ZFHX3: variants seen among roughly 807,000 people sequenced by gnomAD.
The protein encoded by ZFHX3 is zinc finger homeobox protein 3.
ZFHX3 carries 42 observed loss-of-function variants against 279.1 expected under a neutral mutation model. That is an observed-to-expected ratio of 0.15 (90% confidence interval 0.12 to 0.19). ZFHX3 has a LOEUF of 0.19. Among genes scored for constraint, ZFHX3 ranks in the 10% least tolerant of loss-of-function variants. The probability of loss-of-function intolerance (pLI) is 1.00; values close to 1 mark genes in which losing one functional copy is unlikely to be tolerated. For synonymous variants in ZFHX3, 2,293 were observed against 1,957.8 expected (o/e 1.17, Z -4.52); for missense variants, 4,981 against 4,754.0 (o/e 1.05, Z -1.40).
At chr16:73,529,070 G>A (rs2019746280) in intron 2 of ZFHX3, among the ~76,000 whole-genome samples, 1 of 152,140 alleles carries the variant, frequency 6.6e-6, no homozygotes, top group African/African-American at 2.4e-5. Context: ...ATACATTCTA[G>A]GAAAACAATA....
intron 4 of ZFHX3, among the ~76,000 whole-genome samples, chr16:73,301,877 G>A (rs970146944): frequency 1.3e-5 from 2 of 150,950 alleles, no homozygotes; most frequent in South Asian, 2.1e-4. Flanking sequence ...GCATCCTCAA[G>A]CCCCTACCTC....
rs549833722 is a variant in ZFHX3 at position 73,474,911 on chromosome 16, T to C, written c.-1546-18653A>G. Among the ~76,000 whole-genome samples the C allele has an allele frequency of 3.9e-5, 6 of 152,320 alleles. No homozygotes were observed. The East Asian group carries it at 7.7e-4, about 20-fold the overall frequency. On this transcript the variant is annotated intron_variant, in intron 2 of 17. Transcript: ENST00000641206. ...ACCATTGACAGTACTGTCTCTCTAGTTGATACATTATTTCTTTCCAAATGG... is the reference window on the plus strand; with the variant it reads ...ACCATTGACAGTACTGTCTCTCTAGCTGATACATTATTTCTTTCCAAATGG...
At chr16:73,655,422 C>G (rs1253313952) in intron 2 of ZFHX3, among the ~76,000 whole-genome samples, 1 of 152,088 alleles carries the variant, frequency 6.6e-6, no homozygotes, top group Non-Finnish European at 1.5e-5. Flanking sequence ...ATAGGAGACT[C>G]TACCAAGTCC....
At chr16:73,309,557 T>G (rs2015273952) in intron 4 of ZFHX3, among the ~76,000 whole-genome samples, 1 of 152,108 alleles carries the variant, frequency 6.6e-6, no homozygotes, top group African/African-American at 2.4e-5. Flanking sequence ...TTTGATGATG[T>G]GGGAAGCGAC....
At chr16:73,412,361 A>G (rs2017488566) in intron 3 of ZFHX3, among the ~76,000 whole-genome samples, 1 of 151,078 alleles carries the variant, frequency 6.6e-6, no homozygotes, top group African/African-American at 2.4e-5. Flanking sequence ...TAAATGTCAG[A>G]GAATGTGTTT....
At chr16:73,248,735 C>G (rs1450676359) in intron 5 of ZFHX3, among the ~76,000 whole-genome samples, 1 of 151,958 alleles carries the variant, frequency 6.6e-6, no homozygotes, top group African/African-American at 2.4e-5. Context: ...TGAGTATGCA[C>G]TAGAATGGAA....
chr16:73,606,589 C>T (rs2052185695), intron 2 of ZFHX3, among the ~76,000 whole-genome samples: 1 of 151,854 alleles, frequency 6.6e-6, no homozygotes, highest in Non-Finnish European at 1.5e-5. Flanking sequence ...TATTTTATTT[C>T]ATTTTAAGTT....
At chr16:73,282,504 A>G (rs926650056) in intron 4 of ZFHX3, among the ~76,000 whole-genome samples, 3 of 152,130 alleles carry the variant, frequency 2.0e-5, no homozygotes, top group Non-Finnish European at 4.4e-5. Context: ...AGGAACATCA[A>G]TTGTCTTTAT....
At position 73,725,248 on chromosome 16, in the gene ZFHX3, C is replaced by T. The variant is rs975025825; in HGVS notation, c.-1607-45008G>A. On this transcript the variant is annotated intron_variant, in intron 1 of 17. Coordinates refer to the ZFHX3 transcript ENST00000641206. ...AAGGCTTTTATATATAAAAAGAAAA[C>T]TAGCCCTGCATTTCTTGGCCCAGCC... 5.3e-5 allele frequency among the ~76,000 whole-genome samples: 8 copies of T among 152,260 alleles called. No homozygotes were observed. The East Asian group carries it at 7.7e-4, about 15-fold the overall frequency.
At chr16:73,630,088 A>T (rs1321932115) in intron 2 of ZFHX3, among the ~76,000 whole-genome samples, 3 of 152,208 alleles carry the variant, frequency 2.0e-5, no homozygotes, top group African/African-American at 4.8e-5. Context: ...GACAGGTGTC[A>T]TGATATTTCA....
chr16:73,193,508 A>G (rs1246990705), intron 5 of ZFHX3, among the ~76,000 whole-genome samples: 1 of 152,172 alleles, frequency 6.6e-6, no homozygotes, highest in Non-Finnish European at 1.5e-5. Context: ...GTTTGCTGGG[A>G]TCCCCCTGAA....
chr16:73,103,793 A>G (rs1347962464), intron 7 of ZFHX3, among the ~76,000 whole-genome samples: 1 of 152,038 alleles, frequency 6.6e-6, no homozygotes, highest in Non-Finnish European at 1.5e-5. Context: ...TCTGGTGGAG[A>G]CTTTTATCCG....
At chr16:73,369,454 C>T (rs1040323309) in intron 3 of ZFHX3, among the ~76,000 whole-genome samples, 27 of 152,198 alleles carry the variant, frequency 1.8e-4, no homozygotes, top group African/African-American at 6.3e-4. Flanking sequence ...TGGTGGGAAT[C>T]GAGGCTGCCT....
chr16:73,000,657 C>T (rs949376254), intron 1 of ZFHX3, among the ~76,000 whole-genome samples: 3 of 152,204 alleles, frequency 2.0e-5, no homozygotes, highest in African/African-American at 7.2e-5. Flanking sequence ...CAGAAACACA[C>T]ACTGGATGTT....
Position 72,959,883 on chromosome 16 carries a change from A to C in ZFHX3, c.263T>G (p.Phe88Cys). ...EVTCNECSAS[F>C]ASLQTYMEHH... ...CTCCATGTAGGTCTGGAGGCTGGCA[A>C]AGGAGGCCGAACATTCGTTGCAGGT... is the stretch of plus-strand genomic sequence containing the variant. The change falls in exon 2 of 10, where the codon TTT becomes TGT. Residue 88 changes from phenylalanine to cysteine, a missense_variant. Coordinates refer to ENST00000268489, the MANE Select transcript of ZFHX3 (RefSeq NM_006885.4). The C allele has an allele frequency of 6.2e-7, 1 of 1,602,844 alleles. No individual in the cohort carries two copies. The highest frequency in any genetic ancestry group is 8.5e-7 in the Non-Finnish European group (1 of 1,173,496).
chr16:73,390,872 C>A (rs541789072), intron 3 of ZFHX3, among the ~76,000 whole-genome samples: 3 of 152,118 alleles, frequency 2.0e-5, no homozygotes, highest in Non-Finnish European at 4.4e-5. Flanking sequence ...ACAACCCCCC[C>A]AAAAGAGGGC....
At chr16:72,828,223 A>G (rs1285720951) in intron 5 of ZFHX3, among the ~76,000 whole-genome samples, 40 of 152,214 alleles carry the variant, frequency 2.6e-4, no homozygotes. Context: ...CTCAAAAACA[A>G]AAGTATTGTA....
chr16:72,896,824 A>C (rs1041830805), intron 3 of ZFHX3, among the ~76,000 whole-genome samples: 2 of 152,224 alleles, frequency 1.3e-5, no homozygotes, highest in South Asian at 4.1e-4. Flanking sequence ...GGTTTTGTCA[A>C]AGCCTGCCCT....
At position 73,092,892 on chromosome 16, in the gene ZFHX3, C is replaced by A. The variant is rs538940108; in HGVS notation, c.-533+343G>T. 4 of 519,364 alleles carry A rather than the reference C, an allele frequency of 7.7e-6. No homozygotes were observed. In the East Asian group the frequency reaches 1.6e-4, roughly 21 times the overall value. The allele number at this position is 519,364 out of a possible 1,614,324, so 32.2% of individuals were successfully genotyped here. A position where few individuals can be genotyped will look rare whatever the true frequency, so the allele number is the denominator to read the frequency against. On this transcript the variant is annotated intron_variant, in intron 8 of 17. Transcript: ENST00000641206. Reference sequence around the variant, plus strand: ...AGTAAATCTGAGAGGCTGTGTGTGTCCCACGCGCTCCTGTTTTCCCAGCCA... The same window carrying A: ...AGTAAATCTGAGAGGCTGTGTGTGTACCACGCGCTCCTGTTTTCCCAGCCA...
Sources: allele counts gnomAD v4.1 joint callset (sites outside exome capture counted in the v4.1 genomes callset), GRCh38; gene constraint gnomAD v4.1.1; transcripts MANE v1.5; gene names NCBI Gene and HGNC (gene_info 2026-07-23, HGNC 2026-07-21).